NXPH1: variants seen among roughly 807,000 people sequenced by gnomAD.
NXPH1 encodes the protein neurexophilin-1.
A neutral mutation model predicts 23.7 loss-of-function variants in NXPH1; 5 were observed. The observed-to-expected ratio is 0.21, with a 90% confidence interval of 0.11 to 0.44. The LOEUF is 0.44. Among genes scored for constraint, NXPH1 ranks in the 20% least tolerant of loss-of-function variants. NXPH1 has a pLI of 0.99. For synonymous variants in NXPH1, 144 were observed against 122.2 expected (o/e 1.18, Z -1.18); for missense variants, 324 against 321.6 (o/e 1.01, Z -0.06).
At chr7:8,742,434 T>C (rs1227615287) in intron 2 of NXPH1, among the ~76,000 whole-genome samples, 1 of 152,158 alleles carries the variant, frequency 6.6e-6, no homozygotes, top group Non-Finnish European at 1.5e-5. Flanking sequence ...AAAAATACGG[T>C]ATATTCATAA....
chr7:8,620,304 T>C (rs1422387263), intron 2 of NXPH1, among the ~76,000 whole-genome samples: 2 of 152,184 alleles, frequency 1.3e-5, no homozygotes, highest in African/African-American at 2.4e-5. Flanking sequence ...TACTCATATA[T>C]ATTTACCTCC....
At chr7:8,749,093 A>G (rs769018664) in intron 2 of NXPH1, among the ~76,000 whole-genome samples, 7 of 152,078 alleles carry the variant, frequency 4.6e-5, no homozygotes, top group Non-Finnish European at 8.8e-5. Context: ...TCCTGTGCAA[A>G]ACTTCTCCCA....
At chr7:8,538,674 C>T (rs1427767729) in intron 2 of NXPH1, among the ~76,000 whole-genome samples, 1 of 151,912 alleles carries the variant, frequency 6.6e-6, no homozygotes. Context: ...ACATTGTCTC[C>T]TCATTGCCTA....
At chr7:8,584,565 A>G (rs1818944781) in intron 2 of NXPH1, among the ~76,000 whole-genome samples, 1 of 152,216 alleles carries the variant, frequency 6.6e-6, no homozygotes, top group Non-Finnish European at 1.5e-5. Context: ...CAGAGATCCA[A>G]TACAAAATAA....
At chr7:8,627,566 G>A (rs1212033730) in intron 2 of NXPH1, among the ~76,000 whole-genome samples, 1 of 152,142 alleles carries the variant, frequency 6.6e-6, no homozygotes, top group Non-Finnish European at 1.5e-5. Flanking sequence ...AAGGGGCTGG[G>A]AGAGGTTACT....
At chr7:8,473,663 A>G (rs1355336633) in intron 2 of NXPH1, among the ~76,000 whole-genome samples, 1 of 150,736 alleles carries the variant, frequency 6.6e-6, no homozygotes, top group Non-Finnish European at 1.5e-5. Context: ...AGCTTATATT[A>G]TCATTTGCTA....
chr7:8,548,444 T>C lies in NXPH1; in HGVS notation c.54+112677T>C, dbSNP rs148385451. ...CCACTATTAGGTTATTTCTTCCAGA[T>C]ATCAAAACTCTTTGACTTAGTTAAC... On this transcript the variant is annotated intron_variant, in intron 2 of 2. Transcript: ENST00000405863. Among the ~76,000 whole-genome samples, 165 of 151,708 alleles carry C rather than the reference T, an allele frequency of 1.1e-3. 1 individual carries two copies. The highest frequency in any genetic ancestry group is 2.0e-3 in the Non-Finnish European group (138 of 67,662).
intron 2 of NXPH1, among the ~76,000 whole-genome samples, chr7:8,475,939 C>T (rs1023991822): frequency 6.6e-6 from 1 of 152,146 alleles, no homozygotes; most frequent in Non-Finnish European, 1.5e-5. Context: ...CCCTGCACAA[C>T]CTCTCCAACT....
chr7:8,481,915 G>T (rs1817079219), intron 2 of NXPH1, among the ~76,000 whole-genome samples: 1 of 152,160 alleles, frequency 6.6e-6, no homozygotes, highest in Admixed American at 6.5e-5. Flanking sequence ...ATCACACTCA[G>T]TGCTGGCAGA....
chr7:8,492,441 C>G (rs1817263379), intron 2 of NXPH1, among the ~76,000 whole-genome samples: 2 of 151,918 alleles, frequency 1.3e-5, no homozygotes, highest in African/African-American at 4.8e-5. Context: ...AAAATAGAAA[C>G]AATAATCCAT....
intron 2 of NXPH1, among the ~76,000 whole-genome samples, chr7:8,457,452 A>G (rs1355927853): frequency 6.6e-6 from 1 of 152,020 alleles, no homozygotes; most frequent in Non-Finnish European, 1.5e-5. Flanking sequence ...GGAGGCCCAC[A>G]TTCTTAACAT....
Position 8,699,718 on chromosome 7 carries a change from G to A in NXPH1, c.55-51290G>A, listed in dbSNP as rs150207261. ...TACAAGTTAAAATAATCTGTCTTCC[G>A]TTTGGGCCACTTTGCATTGGAAATT... On this transcript the variant is annotated intron_variant, in intron 2 of 2. Transcript: ENST00000405863. 2.8e-3 allele frequency among the ~76,000 whole-genome samples: 421 copies of A among 152,174 alleles called. 4 individuals carry two copies. Among genetic ancestry groups the A allele is most frequent in the Middle Eastern group, 0.02 (6 of 294 alleles).
chr7:8,606,765 G>C (rs554764338), intron 2 of NXPH1, among the ~76,000 whole-genome samples: 1 of 152,226 alleles, frequency 6.6e-6, no homozygotes, highest in South Asian at 2.1e-4. Flanking sequence ...CTAGTCCAGT[G>C]AATATGTGCA....
intron 2 of NXPH1, among the ~76,000 whole-genome samples, chr7:8,678,314 T>C (rs566062603): frequency 1.1e-4 from 16 of 152,352 alleles, no homozygotes; most frequent in African/African-American, 3.4e-4. Flanking sequence ...ATTGCCATTA[T>C]ATAAATTCAC....
intron 2 of NXPH1, among the ~76,000 whole-genome samples, chr7:8,592,409 C>G (rs962310903): frequency 2.0e-5 from 3 of 151,908 alleles, no homozygotes; most frequent in Non-Finnish European, 4.4e-5. Flanking sequence ...GCCCATATTT[C>G]CATTTTGTAG....
intron 2 of NXPH1, among the ~76,000 whole-genome samples, chr7:8,529,566 G>T (rs1817920302): frequency 6.6e-6 from 1 of 152,164 alleles, no homozygotes; most frequent in African/African-American, 2.4e-5. Flanking sequence ...AGTGTGGATG[G>T]CAGGATCAGG....
At chr7:8,686,121 G>T (rs1437630578) in intron 2 of NXPH1, among the ~76,000 whole-genome samples, 1 of 152,064 alleles carries the variant, frequency 6.6e-6, no homozygotes. Flanking sequence ...ACCGAAAAGA[G>T]CCATTTTAAA....
rs574092207 is a variant in NXPH1, at chr7:8,703,147, C to A, written c.55-47861C>A. ...CTTATCTTGGCCTTCCCCAAATCAG[C>A]CTCATCATACTTCCTTAGAGCTACC... On this transcript the variant is annotated intron_variant, in intron 2 of 2. Transcript: ENST00000405863. Among the ~76,000 whole-genome samples, 221 of 152,212 alleles carry A rather than the reference C, an allele frequency of 1.5e-3. 4 individuals carry two copies. The highest frequency in any genetic ancestry group is 1.0e-3 in the Non-Finnish European group (71 of 67,972).
At position 8,621,490 on chromosome 7, in the gene NXPH1, CT is replaced by C. The variant is rs113473603; in HGVS notation, c.55-129504del. On this transcript the variant is annotated intron_variant, in intron 2 of 2. Coordinates refer to ENST00000405863, the MANE Select transcript of NXPH1 (RefSeq NM_152745.3). ...GAGAAACAATAACATGCTAGCCACT[CT>C]TTTTTTTTTTTTTGAGGTGAAGTTT... Among the ~76,000 whole-genome samples the C allele has an allele frequency of 2.9e-3, 402 of 139,954 alleles. 1 individual carries two copies. The highest frequency in any genetic ancestry group is 6.3e-3 in the South Asian group (26 of 4,140). The allele number at this position is 139,954 out of a possible 152,430, so 91.8% of individuals were successfully genotyped here. A position where few individuals can be genotyped will look rare whatever the true frequency, so the allele number is the denominator to read the frequency against.
Sources: allele counts gnomAD v4.1 joint callset (sites outside exome capture counted in the v4.1 genomes callset), GRCh38; gene constraint gnomAD v4.1.1; transcripts MANE v1.5; gene names NCBI Gene and HGNC (gene_info 2026-07-23, HGNC 2026-07-21).